PTPRD: variants seen among roughly 807,000 people sequenced by gnomAD.
The protein encoded by PTPRD is protein tyrosine phosphatase receptor type D.
Under a neutral mutation model 214.5 loss-of-function variants are expected in PTPRD, and 34 were observed. The observed-to-expected ratio is 0.16, with a 90% CI of 0.12 to 0.21. The LOEUF (loss-of-function observed/expected upper bound fraction) is 0.21, where lower values mean the gene tolerates loss of function less well. PTPRD is among the 10% of genes least tolerant of loss of function. The probability of loss-of-function intolerance (pLI) is 1.00; values close to 1 mark genes in which losing one functional copy is unlikely to be tolerated. For synonymous variants in PTPRD, 1,128 were observed against 845.7 expected, an observed-to-expected ratio of 1.33 and a Z score of -5.79; for missense variants, 2,545 against 2,398.7, an observed-to-expected ratio of 1.06 and a Z score of -1.27.
intron 9 of PTPRD, among the ~76,000 whole-genome samples, chr9:9,363,385 C>T (rs1454512951): frequency 6.6e-6 from 1 of 151,248 alleles, no homozygotes; most frequent in African/African-American, 2.4e-5. Flanking sequence ...AAATCTCATA[C>T]TAGGAGATCT....
chr9:10,132,082 C>A (rs866363633), intron 3 of PTPRD, among the ~76,000 whole-genome samples: 1 of 152,018 alleles, frequency 6.6e-6, no homozygotes, highest in Non-Finnish European at 1.5e-5. Context: ...AGGCAAAATT[C>A]ATCACTGAGA....
chr9:10,391,604 A>C (rs10756031), intron 2 of PTPRD, among the ~76,000 whole-genome samples: 132,284 of 151,732 alleles, frequency 0.87, 57,692 homozygotes, highest in African/African-American at 0.91. Context: ...TACCCTGAGT[A>C]TAACCATTGC....
intron 14 of PTPRD, among the ~76,000 whole-genome samples, chr9:8,613,323 G>T (rs1220856432): frequency 6.6e-6 from 1 of 152,110 alleles, no homozygotes; most frequent in Non-Finnish European, 1.5e-5. Flanking sequence ...GCAGGAAGGG[G>T]AAGGGAAAGG....
At chr9:10,016,958 C>T (rs2096730906) in intron 4 of PTPRD, among the ~76,000 whole-genome samples, 1 of 152,106 alleles carries the variant, frequency 6.6e-6, no homozygotes, top group South Asian at 2.1e-4. Context: ...AGCCATTGTG[C>T]CCTCCTATTG....
intron 2 of PTPRD, among the ~76,000 whole-genome samples, chr9:10,358,566 T>A (rs1371690339): frequency 6.6e-6 from 1 of 151,954 alleles, no homozygotes; most frequent in Non-Finnish European, 1.5e-5. Flanking sequence ...TTTATGTCTC[T>A]TAGCATCACA....
rs1184128772 is a variant in PTPRD at position 9,548,397 on chromosome 9, CT to C, written c.-237+26334del. 4.5e-3 allele frequency among the ~76,000 whole-genome samples: 611 copies of C among 134,624 alleles called. 3 individuals are homozygous for C. The highest frequency in any genetic ancestry group is 0.015 in the African/African-American group (565 of 36,788). 88.3% of individuals were successfully genotyped at this position (134,624 alleles called of 152,430 possible). Reference sequence around the variant, plus strand: ...TCAATTACTTGCTACGTATATGTGACTTTTTTTCTTTTTTTTTTTTTTTTTT... The same window carrying C: ...TCAATTACTTGCTACGTATATGTGACTTTTTTCTTTTTTTTTTTTTTTTTT... On this transcript the variant is annotated intron_variant, in intron 8 of 45. Transcript: ENST00000381196.
intron 9 of PTPRD, among the ~76,000 whole-genome samples, chr9:9,368,108 G>T (rs181311627): frequency 2.3e-4 from 35 of 151,684 alleles, no homozygotes; most frequent in Non-Finnish European, 4.0e-4. Flanking sequence ...TACATAATTC[G>T]GCCCAAATTT....
chr9:9,283,896 C>G (rs986881755), intron 9 of PTPRD, among the ~76,000 whole-genome samples: 2 of 151,520 alleles, frequency 1.3e-5, no homozygotes, highest in Non-Finnish European at 3.0e-5. Flanking sequence ...AACTAATAAT[C>G]AAGAAATAAT....
chr9:10,188,575 C>CTTTT (rs35140958), intron 3 of PTPRD, among the ~76,000 whole-genome samples: 1 of 143,672 alleles, frequency 7.0e-6, no homozygotes, highest in South Asian at 2.2e-4. Flanking sequence ...TAAATAGTAT[C>CTTTT]TTTTTTTTTT....
chr9:9,887,764 G>A (rs1037659254), intron 5 of PTPRD, among the ~76,000 whole-genome samples: 2 of 151,990 alleles, frequency 1.3e-5, no homozygotes, highest in Non-Finnish European at 2.9e-5. Flanking sequence ...GGAGTAGAAA[G>A]TTTTACTAGT....
At chr9:10,472,575 C>A (rs973948287) in intron 2 of PTPRD, among the ~76,000 whole-genome samples, 1 of 152,088 alleles carries the variant, frequency 6.6e-6, no homozygotes, top group African/African-American at 2.4e-5. Flanking sequence ...CAAGGCTGAG[C>A]AGGAGCTCTT....
intron 11 of PTPRD, among the ~76,000 whole-genome samples, chr9:8,944,867 G>A (rs2099054299): frequency 1.3e-5 from 2 of 151,904 alleles, no homozygotes; most frequent in Non-Finnish European, 2.9e-5. Flanking sequence ...GCGATAATTT[G>A]TTGTACATTT....
chr9:9,629,494 G>T (rs1451984442), intron 7 of PTPRD, among the ~76,000 whole-genome samples: 1 of 151,860 alleles, frequency 6.6e-6, no homozygotes, highest in East Asian at 1.9e-4. Context: ...TTGTAATTTG[G>T]GGATATTTTT....
intron 14 of PTPRD, among the ~76,000 whole-genome samples, chr9:8,571,589 A>G (rs985465654): frequency 1.3e-5 from 2 of 152,204 alleles, no homozygotes; most frequent in African/African-American, 4.8e-5. Flanking sequence ...AAGCAATATT[A>G]CTATTTTGTT....
At chr9:8,738,472 G>C (rs2091059859) in intron 11 of PTPRD, among the ~76,000 whole-genome samples, 1 of 151,798 alleles carries the variant, frequency 6.6e-6, no homozygotes, top group Non-Finnish European at 1.5e-5. Flanking sequence ...GCAGATTATA[G>C]GCTTTGTATG....
intron 12 of PTPRD, among the ~76,000 whole-genome samples, chr9:8,642,338 T>C (rs929640494): frequency 2.6e-5 from 4 of 152,242 alleles, no homozygotes; most frequent in African/African-American, 9.6e-5. Flanking sequence ...TTCTTTTAAC[T>C]GATTAACATT....
intron 11 of PTPRD, among the ~76,000 whole-genome samples, chr9:8,809,199 A>G (rs1278717534): frequency 6.6e-6 from 1 of 152,160 alleles, no homozygotes; most frequent in Non-Finnish European, 1.5e-5. Context: ...ACTAGTTGTT[A>G]AAATGTCACA....
Position 8,767,860 on chromosome 9 carries a change from T to G in PTPRD, c.-103-33914A>C, listed in dbSNP as rs377748676. Among the ~76,000 whole-genome samples the G allele has an allele frequency of 2.1e-3, 321 of 151,944 alleles. 4 individuals are homozygous for G. The highest frequency in any genetic ancestry group is 0.02 in the South Asian group (96 of 4,808). ...CAGTATGGTCTCATTTAAGTTACAG[T>G]AAAAAGAAAAAAGACCCACTGCTGT... On this transcript the variant is annotated intron_variant, in intron 11 of 45. Coordinates refer to ENST00000381196, the MANE Select transcript of PTPRD (RefSeq NM_002839.4).
chr9:10,369,081 T>TA (rs549907041), intron 2 of PTPRD, among the ~76,000 whole-genome samples: 57 of 152,168 alleles, frequency 3.7e-4, no homozygotes, highest in African/African-American at 9.9e-4. Context: ...GCACCATGGT[T>TA]AAAAAAATTG....
Sources: allele counts gnomAD v4.1 joint callset (sites outside exome capture counted in the v4.1 genomes callset), GRCh38; gene constraint gnomAD v4.1.1; transcripts MANE v1.5; gene names NCBI Gene and HGNC (gene_info 2026-07-23, HGNC 2026-07-21).